Variants in CCNYL1 observed in about 807,000 individuals in gnomAD.
CCNYL1 encodes the protein cyclin-Y-like protein 1.
A neutral mutation model predicts 44.2 loss-of-function variants in CCNYL1; 16 were observed. The ratio of observed to expected loss-of-function variants is 0.36; its 90% CI spans 0.25 to 0.55. The LOEUF (loss-of-function observed/expected upper bound fraction) is 0.55, where lower values mean the gene tolerates loss of function less well. CCNYL1 is among the 20% of genes least tolerant of loss of function. CCNYL1 has a pLI of 0.85. For missense variants in CCNYL1, 348 were observed against 451.8 expected, an observed-to-expected ratio of 0.77 and a Z score of 2.08; for synonymous variants, 159 against 163.2, an observed-to-expected ratio of 0.97 and a Z score of 0.20.
chr2:207,727,940 TC>T (rs2091692771), intron 3 of CCNYL1, among the ~76,000 whole-genome samples: 1 of 151,186 alleles, frequency 6.6e-6, no homozygotes, highest in South Asian at 2.1e-4. Context: ...TCTGAAAACC[TC>T]CCCTATTTCT....
intron 3 of CCNYL1, among the ~76,000 whole-genome samples, chr2:207,727,532 T>TG (rs1271172996): frequency 7.2e-5 from 11 of 152,286 alleles, no homozygotes; most frequent in South Asian, 2.1e-4. Flanking sequence ...TGTCTTTTTT[T>TG]TTGTGTGTGT....
chr2:207,742,462 A>G lies in CCNYL1; in HGVS notation c.639+120A>G, dbSNP rs190904936. The G allele has an allele frequency of 1.1e-4, 102 of 922,082 alleles. 1 individual carries two copies. In the Admixed American group the frequency reaches 1.7e-3, roughly 15 times the overall value. 57.1% of individuals were successfully genotyped at this position (922,082 alleles called of 1,614,324 possible). A position where few individuals can be genotyped will look rare whatever the true frequency, so the allele number is the denominator to read the frequency against. On this transcript the variant is annotated intron_variant, in intron 7 of 9. Transcript: ENST00000295414. Reference sequence around the variant, plus strand: ...ATCATCAGAACTTTAAGAGAAACCTATGAAAGGAACATAAATACGTACATT... The same window carrying G: ...ATCATCAGAACTTTAAGAGAAACCTGTGAAAGGAACATAAATACGTACATT...
chr2:207,737,150 C>T (rs911773894), intron 4 of CCNYL1, among the ~76,000 whole-genome samples: 47 of 152,104 alleles, frequency 3.1e-4, no homozygotes, highest in Non-Finnish European at 5.9e-4. Context: ...CTCCTGACCT[C>T]GTGATCCACC....
chr2:207,729,219 A>G (rs2091702933), intron 3 of CCNYL1, among the ~76,000 whole-genome samples: 1 of 143,590 alleles, frequency 7.0e-6, no homozygotes, highest in African/African-American at 2.7e-5. Flanking sequence ...TTATTAGACC[A>G]GTGTTTCTGC....
chr2:207,713,630 A>C (rs1301894681), intron 1 of CCNYL1, among the ~76,000 whole-genome samples: 1 of 152,246 alleles, frequency 6.6e-6, no homozygotes, highest in Non-Finnish European at 1.5e-5. Flanking sequence ...TTTGTTTCGT[A>C]TAAATGCCAG....
chr2:207,748,006 T>C (rs2091866164), intron 8 of CCNYL1, among the ~76,000 whole-genome samples: 2 of 152,206 alleles, frequency 1.3e-5, no homozygotes, highest in African/African-American at 2.4e-5. Flanking sequence ...GAAATAATTG[T>C]TTGGCCACTA....
chr2:207,726,925 A>G, intron 3 of CCNYL1, 49 bp downstream of exon 3: 2 of 1,319,870 alleles, frequency 1.5e-6, no homozygotes, highest in Non-Finnish European at 2.1e-6. Context: ...AATTAAAAGT[A>G]TGTCTGTCAT....
chr2:207,742,451 A>C, intron 7 of CCNYL1, 109 bp downstream of exon 7: 1 of 1,001,156 alleles, frequency 1.0e-6, no homozygotes, highest in Non-Finnish European at 1.4e-6. Context: ...TCAGAACTTT[A>C]AGAGAAACCT....
At chr2:207,751,246 A>G (rs915714465) in intron 9 of CCNYL1, 127 bp downstream of exon 9, 3 of 763,340 alleles carry the variant, frequency 3.9e-6, no homozygotes, top group Non-Finnish European at 4.1e-6. Context: ...TGAAGAGCTT[A>G]TTAGCCCTTT....
At chr2:207,726,978 A>G (rs2551957) in intron 3 of CCNYL1, 102 bp downstream of exon 3, 74,540 of 694,224 alleles carry the variant, frequency 0.11, 7,764 homozygotes, top group East Asian at 0.35. Context: ...TGTTAGTATG[A>G]GCCTCTTTTT....
rs538301096 is a variant in CCNYL1, at chr2:207,752,986, C to T, written c.970-602C>T. 8.6e-5 allele frequency among the ~76,000 whole-genome samples: 13 copies of T among 151,056 alleles called. No individual in the cohort carries two copies. The South Asian group carries it at 2.5e-3, about 29-fold the overall frequency. ...CCTGGGAGATAGAGGTTGCAATGAG[C>T]TGAGATCACTCCAGCCTGGGCAACG... On this transcript the variant is annotated intron_variant, in intron 9 of 9. Transcript: ENST00000295414.
Position 207,753,851 on chromosome 2 carries a change from T to G in CCNYL1, c.*153T>G. On this transcript the variant is annotated 3_prime_UTR_variant, in exon 10 of 10. Transcript: ENST00000295414. ...GACTCATGGACAACAAGGATTATAC[T>G]CCACAGGAAAGAATGGGACCTTGTC... 1 of 561,736 alleles carries G rather than the reference T, an allele frequency of 1.8e-6. No homozygotes were observed. The highest frequency in any genetic ancestry group is 3.3e-5 in the Admixed American group (1 of 30,500). 34.8% of individuals were successfully genotyped at this position (561,736 alleles called of 1,614,324 possible).
chr2:207,722,522 T>C (rs1007284052), intron 1 of CCNYL1, among the ~76,000 whole-genome samples: 3 of 151,290 alleles, frequency 2.0e-5, no homozygotes, highest in Non-Finnish European at 2.9e-5. Flanking sequence ...CTGGACTTCA[T>C]TGAAAATTCC....
chr2:207,723,476 G>T (rs1460073515), intron 1 of CCNYL1, among the ~76,000 whole-genome samples: 2 of 152,270 alleles, frequency 1.3e-5, no homozygotes, highest in East Asian at 3.9e-4. Flanking sequence ...TTTTTTAAAA[G>T]TAGAGCAATT....
intron 1 of CCNYL1, among the ~76,000 whole-genome samples, chr2:207,719,531 C>T (rs1404154138): frequency 1.3e-5 from 2 of 152,118 alleles, no homozygotes; most frequent in African/African-American, 4.8e-5. Context: ...GAATTCCTGA[C>T]CTCAGGTGAT....
At chr2:207,721,759 A>G (rs948555988) in intron 1 of CCNYL1, among the ~76,000 whole-genome samples, 55 of 149,608 alleles carry the variant, frequency 3.7e-4, no homozygotes, top group African/African-American at 1.3e-3. Flanking sequence ...GTTTTGAGAC[A>G]GAGTCTTGCT....
In CCNYL1 at chr2:207,742,250, A is replaced by C. The variant is rs1559171453; in HGVS notation, c.547A>C (p.Lys183Gln). The stretch of plus-strand genomic sequence containing the variant: ...AGAAAAAGTTCCAGAGGAATACTTT[A>C]AGCATGATCCTGAGCACAAATTTAT... ...TREKVPEEYFKHDPEHKFIYR... is the reference protein window; with the variant it reads ...TREKVPEEYFQHDPEHKFIYR... The change falls in exon 7 of 10, where the codon AAG (lysine) becomes CAG (glutamine). Residue 183 changes from lysine to glutamine, a missense_variant. Coordinates refer to ENST00000295414, the MANE Select transcript of CCNYL1 (RefSeq NM_001330218.2). 2 of 1,612,192 alleles carry C rather than the reference A, an allele frequency of 1.2e-6. No individual in the cohort carries two copies. Among genetic ancestry groups the C allele is most frequent in the African/African-American group, 2.7e-5 (2 of 74,922 alleles).
intron 1 of CCNYL1, among the ~76,000 whole-genome samples, chr2:207,718,717 G>T (rs1164409995): frequency 6.6e-6 from 1 of 152,180 alleles, no homozygotes; most frequent in Non-Finnish European, 1.5e-5. Context: ...TTGCATTCGT[G>T]TATTGCTGGT....
chr2:207,721,745 T>C (rs924696003), intron 1 of CCNYL1, among the ~76,000 whole-genome samples: 47 of 152,124 alleles, frequency 3.1e-4, no homozygotes, highest in Admixed American at 2.6e-4. Flanking sequence ...TTTTTTTTTT[T>C]TTTGTTTTGA....
Sources: gnomAD v4.1 joint callset for allele counts (sites outside exome capture counted in the v4.1 genomes callset) on GRCh38, gnomAD v4.1.1 for gene constraint, MANE v1.5 for transcripts, NCBI Gene and HGNC (gene_info 2026-07-23, HGNC 2026-07-21) for gene names.